The following RYR3 variants were observed in gnomAD, a reference collection of about 807,000 sequenced individuals.
RYR3 encodes the protein brain ryanodine receptor-calcium release channel.
A neutral mutation model predicts 584.3 loss-of-function variants in RYR3; 207 were observed. That is an observed-to-expected ratio of 0.35 (90% CI 0.32 to 0.40). The LOEUF (loss-of-function observed/expected upper bound fraction) is 0.40. Among genes scored for constraint, RYR3 ranks in the 10% least tolerant of loss-of-function variants. The pLI is 1.00. For missense variants in RYR3, 5,616 were observed against 6,089.2 expected (o/e 0.92, Z 2.59); for synonymous variants, 2,416 against 2,248.5 (o/e 1.07, Z -2.11).
intron 102 of RYR3, 55 bp from the exon 103 acceptor site, chr15:33,864,083 C>G (rs11072759): frequency 0.7 from 925,128 of 1,329,790 alleles, 334,812 homozygotes; most frequent in Non-Finnish European, 0.75. Context: ...TTAATCCATG[C>G]GAATGAACTT....
chr15:33,777,696 C>A (rs567929688), intron 64 of RYR3, among the ~76,000 whole-genome samples: 8 of 152,052 alleles, frequency 5.3e-5, no homozygotes, highest in African/African-American at 1.9e-4. Flanking sequence ...TTAGCAACAG[C>A]CTTTTACCCC....
chr15:33,611,211 T>C (rs976896211), intron 18 of RYR3, among the ~76,000 whole-genome samples: 3 of 152,268 alleles, frequency 2.0e-5, no homozygotes, highest in South Asian at 2.1e-4. Flanking sequence ...GTTTGAGATA[T>C]AATTAGTAGA....
intron 1 of RYR3, among the ~76,000 whole-genome samples, chr15:33,394,930 G>T (rs187226755): frequency 1.1e-3 from 170 of 151,664 alleles, no homozygotes; most frequent in Non-Finnish European, 1.5e-3. Context: ...CAGACATGAG[G>T]AGTTTTAAAA....
intron 15 of RYR3, among the ~76,000 whole-genome samples, chr15:33,585,765 G>A (rs2058816437): frequency 6.6e-6 from 1 of 152,174 alleles, no homozygotes; most frequent in Non-Finnish European, 1.5e-5. Flanking sequence ...CGGGAGATAG[G>A]GTTTGTGCCG....
At position 33,557,834 on chromosome 15, in the gene RYR3, G is replaced by A. The variant is rs551114760; in HGVS notation, c.973-5003G>A. Among the ~76,000 whole-genome samples the A allele has an allele frequency of 1.9e-4, 29 of 152,252 alleles. 1 individual carries two copies. In the South Asian group the frequency reaches 3.5e-3, roughly 18 times the overall value. Reference sequence around the variant, plus strand: ...CAAATACTAATATGACAATTATGACGTGGTCATGAGCATTTCCTTAATAAG... The same window carrying A: ...CAAATACTAATATGACAATTATGACATGGTCATGAGCATTTCCTTAATAAG... On this transcript the variant is annotated intron_variant, in intron 10 of 103. Coordinates refer to ENST00000634891, the MANE Select transcript of RYR3 (RefSeq NM_001036.6).
intron 2 of RYR3, among the ~76,000 whole-genome samples, chr15:33,474,598 C>T (rs1182567951): frequency 1.3e-5 from 2 of 152,196 alleles, no homozygotes; most frequent in South Asian, 2.1e-4. Context: ...CCTATGGTGT[C>T]GTTTGGCTGA....
intron 7 of RYR3, among the ~76,000 whole-genome samples, chr15:33,542,007 CA>C (rs1266088041): frequency 6.6e-6 from 1 of 152,046 alleles, no homozygotes; most frequent in Non-Finnish European, 1.5e-5. Context: ...TTCCTGGTCC[CA>C]ACAGAGGGCT....
intron 36 of RYR3, among the ~76,000 whole-genome samples, chr15:33,664,589 G>GTGTGTGTGTGTATATATATATA (rs577496539): frequency 4.4e-5 from 4 of 91,382 alleles, no homozygotes; most frequent in African/African-American, 1.3e-4. Context: ...GTGTGTGTGT[G>GTGTGTGTGTGTATATATATATA]TATATATATA....
intron 51 of RYR3, 53 bp from the exon 52 acceptor site, chr15:33,742,313 A>G: frequency 9.0e-7 from 1 of 1,117,106 alleles, no homozygotes; most frequent in Admixed American, 1.7e-5. Flanking sequence ...ATCTTCTACT[A>G]TGTCTGGCTG....
intron 37 of RYR3, among the ~76,000 whole-genome samples, chr15:33,669,938 G>C (rs2063743531): frequency 6.7e-6 from 1 of 148,426 alleles, no homozygotes; most frequent in African/African-American, 2.5e-5. Context: ...TTCTCAGCCA[G>C]CAATCTCTAC....
Position 33,864,056 on chromosome 15 carries a change from C to CA in RYR3, c.14466-82_14466-81insA. 5 of 1,048,116 alleles carry CA rather than the reference C, an allele frequency of 4.8e-6. No homozygotes were observed. In the South Asian group the frequency reaches 6.9e-5, roughly 14 times the overall value. 64.9% of individuals were successfully genotyped at this position (1,048,116 alleles called of 1,614,324 possible). ...GATAGCGTGGGACCAACTAGCCTTT[C>CA]TGAGCCCTGATCACAGTTAATCCAT... On this transcript the variant is annotated intron_variant, in intron 102 of 103. Transcript: ENST00000634891.
chr15:33,696,110 G>T (rs1057441069), intron 38 of RYR3, 108 bp from the exon 39 acceptor site: 2 of 1,094,904 alleles, frequency 1.8e-6, no homozygotes, highest in Non-Finnish European at 2.6e-6. Context: ...TAAGAATTTT[G>T]TAACCTCAAC....
intron 85 of RYR3, chr15:33,830,711 T>A (rs74008338): frequency 0.046 from 15,258 of 330,828 alleles, 1,240 homozygotes; most frequent in East Asian, 0.28. Context: ...GAGTAAATTA[T>A]CCTATTTCAT....
At chr15:33,803,935 G>A (rs918755204) in intron 69 of RYR3, among the ~76,000 whole-genome samples, 4 of 152,222 alleles carry the variant, frequency 2.6e-5, no homozygotes, top group Non-Finnish European at 5.9e-5. Context: ...TTGGATCCTG[G>A]ATGAGCAGAA....
At chr15:33,625,587 A>G (rs897928498) in intron 20 of RYR3, among the ~76,000 whole-genome samples, 2 of 152,206 alleles carry the variant, frequency 1.3e-5, no homozygotes, top group Non-Finnish European at 2.9e-5. Flanking sequence ...GCAAGAGAAA[A>G]AAACATTTTA....
intron 57 of RYR3, 36 bp downstream of exon 57, chr15:33,750,322 G>A: frequency 6.2e-7 from 1 of 1,602,196 alleles, no homozygotes; most frequent in Non-Finnish European, 8.5e-7. Context: ...GTGGGACAGG[G>A]CTGTGCCTCC....
chr15:33,539,427 C>A lies in RYR3; in HGVS notation c.511C>A (p.Leu171Ile). The change falls in exon 6 of 104, where the codon CTC (leucine) becomes ATC (isoleucine). Residue 171 changes from leucine to isoleucine, a missense_variant. By Grantham distance (5) the Leu-to-Ile change is conservative. Coordinates refer to ENST00000634891, the MANE Select transcript of RYR3 (RefSeq NM_001036.6). Reference sequence around the variant, plus strand: ...AGAGAAAGTTCGAATTGGCGATGACCTCATCCTCGTCAGCGTGTCCTCTGA... The same window carrying A: ...AGAGAAAGTTCGAATTGGCGATGACATCATCCTCGTCAGCGTGTCCTCTGA... ...EGEKVRIGDD[L>I]ILVSVSSERY... is the part of the protein sequence containing the mutation. 1.2e-6 allele frequency: 2 copies of A among 1,601,524 alleles called. No homozygotes were observed. The highest frequency in any genetic ancestry group is 1.7e-6 in the Non-Finnish European group (2 of 1,173,214).
intron 32 of RYR3, among the ~76,000 whole-genome samples, chr15:33,655,742 C>T (rs1029686036): frequency 2.0e-5 from 3 of 152,194 alleles, no homozygotes; most frequent in Non-Finnish European, 2.9e-5. Context: ...GAGGTTCACA[C>T]CCAGCCAGCC....
chr15:33,525,998 A>T (rs561070529), intron 3 of RYR3, among the ~76,000 whole-genome samples: 2 of 152,316 alleles, frequency 1.3e-5, no homozygotes, highest in African/African-American at 4.8e-5. Context: ...TGACCTTCCA[A>T]ACAAACTCAG....
Sources: gnomAD v4.1 joint callset for allele counts (sites outside exome capture counted in the v4.1 genomes callset) on GRCh38, gnomAD v4.1.1 for gene constraint, MANE v1.5 for transcripts, NCBI Gene and HGNC (gene_info 2026-07-23, HGNC 2026-07-21) for gene names.